FNDC3B: variants seen among roughly 807,000 people sequenced by gnomAD.
The protein encoded by FNDC3B is fibronectin type III domain containing 3B, also known as fibronectin type III domain-containing protein 3B.
A neutral mutation model predicts 151.5 loss-of-function variants in FNDC3B; 12 were observed. The ratio of observed to expected loss-of-function variants is 0.08; its 90% CI spans 0.05 to 0.13. FNDC3B has a LOEUF of 0.13. FNDC3B is among the 10% of genes least tolerant of loss of function. FNDC3B has a pLI of 1.00. For synonymous variants in FNDC3B, 528 were observed against 549.0 expected, an observed-to-expected ratio of 0.96 and a Z score of 0.54; for missense variants, 1,214 against 1,505.3, an observed-to-expected ratio of 0.81 and a Z score of 3.20.
chr3:172,332,428 C>G (rs928529860), intron 13 of FNDC3B, among the ~76,000 whole-genome samples: 2 of 152,232 alleles, frequency 1.3e-5, no homozygotes, highest in African/African-American at 4.8e-5. Context: ...ATGTGACATA[C>G]ATAGCAGCTT....
chr3:172,210,203 C>T (rs769052978), intron 3 of FNDC3B, among the ~76,000 whole-genome samples: 3 of 152,192 alleles, frequency 2.0e-5, no homozygotes, highest in African/African-American at 2.4e-5. Context: ...GCCAGCTCCA[C>T]GAAGCCGCCC....
intron 3 of FNDC3B, among the ~76,000 whole-genome samples, chr3:172,177,180 T>TA (rs35904021): frequency 0.4 from 60,295 of 151,382 alleles, 12,117 homozygotes; most frequent in African/African-American, 0.42. Context: ...CATATGGGCC[T>TA]AGCGGAAGAT....
At chr3:172,317,375 G>A (rs576008266) in intron 11 of FNDC3B, 111 of 281,804 alleles carry the variant, frequency 3.9e-4, no homozygotes, top group Admixed American at 1.4e-3. Context: ...TAATAGAGAC[G>A]GGGTTTCACC....
chr3:172,281,213 TTA>T (rs773794480), intron 6 of FNDC3B, among the ~76,000 whole-genome samples: 3 of 104,262 alleles, frequency 2.9e-5, no homozygotes, highest in East Asian at 2.6e-4. Context: ...TTATTATTAT[TTA>T]TATTTATTTA....
At chr3:172,330,506 C>T in intron 12 of FNDC3B, 35 bp from the exon 13 acceptor site, 1 of 1,580,864 alleles carries the variant, frequency 6.3e-7, no homozygotes, top group Non-Finnish European at 8.6e-7. Context: ...TCTTCACATG[C>T]TTCTAACTGT....
At chr3:172,192,420 T>C (rs997123211) in intron 3 of FNDC3B, among the ~76,000 whole-genome samples, 18 of 151,740 alleles carry the variant, frequency 1.2e-4, no homozygotes, top group African/African-American at 3.9e-4. Flanking sequence ...CTCCTGACCT[T>C]GTGATCCGCC....
chr3:172,330,737 C>T, intron 13 of FNDC3B, 22 bp downstream of exon 13: 1 of 1,591,212 alleles, frequency 6.3e-7, no homozygotes, highest in African/African-American at 1.3e-5. Flanking sequence ...AGATTTTATA[C>T]TTCTCTGTGT....
At chr3:172,094,901 A>AG (rs1413223657) in intron 1 of FNDC3B, among the ~76,000 whole-genome samples, 1 of 151,838 alleles carries the variant, frequency 6.6e-6, no homozygotes, top group African/African-American at 2.4e-5. Context: ...GGGACATGAC[A>AG]GGGACAGTAG....
Position 172,353,027 on chromosome 3 carries a change from C to T in FNDC3B, c.2739C>T (p.Thr913=), listed in dbSNP as rs372792093. 8.1e-6 allele frequency: 13 copies of T among 1,613,992 alleles called. No individual in the cohort carries two copies. The highest frequency in any genetic ancestry group is 2.7e-5 in the African/African-American group (2 of 74,916). ...YTIDLGDTSI[T]VGNTTMHVMK... Reference sequence around the variant, plus strand: ...TTGATCTAGGAGACACTAGCATTACCGTGGGCAACACCACCATGCATGTTA... The same window carrying T: ...TTGATCTAGGAGACACTAGCATTACTGTGGGCAACACCACCATGCATGTTA... The change falls in exon 22 of 26, where the codon ACC becomes ACT. Residue 913 remains threonine, a synonymous_variant. Transcript: ENST00000415807.
chr3:172,042,234 C>T (rs1242774802), intron 1 of FNDC3B, among the ~76,000 whole-genome samples: 1 of 152,124 alleles, frequency 6.6e-6, no homozygotes, highest in East Asian at 1.9e-4. Flanking sequence ...ATAAATAGCT[C>T]ACATCAGACG....
intron 22 of FNDC3B, among the ~76,000 whole-genome samples, chr3:172,357,277 T>C (rs1398873163): frequency 1.3e-5 from 2 of 152,188 alleles, no homozygotes; most frequent in Non-Finnish European, 2.9e-5. Context: ...TTACATTACT[T>C]CTCCAAATTG....
intron 1 of FNDC3B, among the ~76,000 whole-genome samples, chr3:172,080,865 G>A (rs975671762): frequency 6.6e-6 from 1 of 152,152 alleles, no homozygotes; most frequent in African/African-American, 2.4e-5. Context: ...CTGTTAGATT[G>A]TTTCAAGTGT....
intron 25 of FNDC3B, among the ~76,000 whole-genome samples, chr3:172,393,468 A>C (rs990915227): frequency 6.6e-6 from 1 of 152,220 alleles, no homozygotes; most frequent in Non-Finnish European, 1.5e-5. Flanking sequence ...AAAATTAATA[A>C]ACATTGGGCT....
chr3:172,350,437 A>G (rs1417547788), intron 21 of FNDC3B, among the ~76,000 whole-genome samples: 1 of 152,208 alleles, frequency 6.6e-6, no homozygotes, highest in Non-Finnish European at 1.5e-5. Context: ...GCTCCATGAT[A>G]TCCTATTTTT....
At chr3:172,112,008 T>A (rs1223495833) in intron 1 of FNDC3B, among the ~76,000 whole-genome samples, 1 of 152,254 alleles carries the variant, frequency 6.6e-6, no homozygotes, top group Non-Finnish European at 1.5e-5. Context: ...AAGTTATAAT[T>A]GTAAATAGGA....
chr3:172,393,750 C>G (rs1197807118), intron 25 of FNDC3B, among the ~76,000 whole-genome samples: 2 of 151,994 alleles, frequency 1.3e-5, no homozygotes, highest in Non-Finnish European at 2.9e-5. Flanking sequence ...ACAAATGGGT[C>G]AGTGAAGAAA....
intron 1 of FNDC3B, among the ~76,000 whole-genome samples, chr3:172,045,782 C>CTA (rs1296161106): frequency 6.6e-5 from 10 of 151,152 alleles, no homozygotes; most frequent in African/African-American, 2.0e-4. Flanking sequence ...CTCTCTCTCT[C>CTA]TCTCTCTCTC....
At chr3:172,380,873 G>T (rs942922958) in intron 24 of FNDC3B, 93 bp from the exon 25 acceptor site, 1 of 1,404,694 alleles carries the variant, frequency 7.1e-7, no homozygotes, top group Non-Finnish European at 9.9e-7. Flanking sequence ...GCACAATCTT[G>T]CTCTCTCTGG....
chr3:172,184,362 A>G (rs1356950911), intron 3 of FNDC3B: 1 of 152,224 alleles, frequency 6.6e-6, no homozygotes, highest in African/African-American at 2.4e-5. Flanking sequence ...AGAGGAGGTG[A>G]TGGCGATCAA....
Sources: gnomAD v4.1 joint callset for allele counts (sites outside exome capture counted in the v4.1 genomes callset) on GRCh38, gnomAD v4.1.1 for gene constraint, MANE v1.5 for transcripts, NCBI Gene and HGNC (gene_info 2026-07-23, HGNC 2026-07-21) for gene names.